Variants in RAB15 observed in about 807,000 individuals in gnomAD.
RAB15 encodes the protein RAB15, member RAS oncogene family, also known as ras-related protein Rab-15.
Under a neutral mutation model 31.8 loss-of-function variants are expected in RAB15, and 13 were observed. That is an observed-to-expected ratio of 0.41 (90% CI 0.27 to 0.65). The LOEUF (loss-of-function observed/expected upper bound fraction) is 0.65. Among genes scored for constraint, RAB15 ranks in the 30% least tolerant of loss-of-function variants. The pLI, the probability that RAB15 is intolerant of heterozygous loss-of-function variation, is 0.32. For missense variants in RAB15, 220 were observed against 277.3 expected (o/e 0.79, Z 1.47); for synonymous variants, 100 against 105.6 (o/e 0.95, Z 0.33).
Position 64,971,836 on chromosome 14 carries a change from C to A in RAB15, c.124+117G>T, listed in dbSNP as rs1418068662. ...GAGATTTATCCCGGACTCCGGCCTC[C>A]GGCGCCACCGCCTCCAGCCGGAGGG... On this transcript the variant is annotated intron_variant, in intron 1 of 6. Transcript: ENST00000533601. This position sits in a 1 kb window ranked among gnomAD's most constrained non-coding sequence, Gnocchi z 4.1. 4 of 1,007,530 alleles carry A rather than the reference C, an allele frequency of 4.0e-6. No individual in the cohort carries two copies. In the Admixed American group the frequency reaches 1.0e-4, roughly 25 times the overall value. The allele number at this position is 1,007,530 out of a possible 1,614,324, so 62.4% of individuals were successfully genotyped here. A position where few individuals can be genotyped will look rare whatever the true frequency, so the allele number is the denominator to read the frequency against.
chr14:64,951,021 T>C lies in RAB15; in HGVS notation c.324+53A>G. 1.9e-6 allele frequency: 3 copies of C among 1,613,826 alleles called. No individual in the cohort carries two copies. The African/African-American group carries it at 4.0e-5, about 22-fold the overall frequency. ...CTTCCCATCTGGCCCTCGCCTTGCCTTCCCCGGTGAGGCACCCTCTCCACA... is the reference window on the plus strand; with the variant it reads ...CTTCCCATCTGGCCCTCGCCTTGCCCTCCCCGGTGAGGCACCCTCTCCACA... On this transcript the variant is annotated intron_variant, in intron 4 of 6. Coordinates refer to ENST00000533601, the MANE Select transcript of RAB15 (RefSeq NM_001308154.2). The surrounding 1 kb of genome is among the most constrained non-coding windows in gnomAD (Gnocchi z 7.2).
intron 1 of RAB15, among the ~76,000 whole-genome samples, chr14:64,969,630 G>A (rs530506062): frequency 9.2e-5 from 14 of 152,290 alleles, no homozygotes; most frequent in Non-Finnish European, 1.5e-4. Context: ...AGGGGAACCC[G>A]GGTGTCAGAA....
chr14:64,970,913 A>T lies in RAB15; in HGVS notation c.124+1040T>A, dbSNP rs956558084. Among the ~76,000 whole-genome samples the T allele has an allele frequency of 1.3e-5, 2 of 152,098 alleles. No homozygotes were observed. The highest frequency in any genetic ancestry group is 4.8e-5 in the African/African-American group (2 of 41,402). On this transcript the variant is annotated intron_variant, in intron 1 of 6. Coordinates refer to ENST00000533601, the MANE Select transcript of RAB15 (RefSeq NM_001308154.2). The surrounding 1 kb of genome is among the most constrained non-coding windows in gnomAD (Gnocchi z 4.1). The stretch of plus-strand genomic sequence containing the variant: ...GTTGGGGGGAGGGGGGATGGTGTGG[A>T]CATGAATCCTCAAGAGGAAGCTGAG...
Position 64,971,756 on chromosome 14 carries a change from G to A in RAB15, c.124+197C>T. ...CAAGAGGCGGGAGACCCCACCCCTG[G>A]TCCGGACGGCAGGCAGCAGGGACAC... On this transcript the variant is annotated intron_variant, in intron 1 of 6. Transcript: ENST00000533601. The surrounding 1 kb of genome is among the most constrained non-coding windows in gnomAD (Gnocchi z 4.1). The A allele has an allele frequency of 5.1e-6, 3 of 587,422 alleles. No individual in the cohort carries two copies. The highest frequency in any genetic ancestry group is 9.0e-6 in the Non-Finnish European group (3 of 333,188). 36.4% of individuals were successfully genotyped at this position (587,422 alleles called of 1,614,324 possible).
intron 1 of RAB15, among the ~76,000 whole-genome samples, chr14:64,967,164 CCCAACCTGT>C (rs1314720573): frequency 6.6e-6 from 1 of 152,186 alleles, no homozygotes; most frequent in Non-Finnish European, 1.5e-5. Context: ...GCCACAGCAG[CCCAACCTGT>C]CCAACCAGAT....
At position 64,970,471 on chromosome 14, in the gene RAB15, A is replaced by G. The variant is rs746182463; in HGVS notation, c.124+1482T>C. On this transcript the variant is annotated intron_variant, in intron 1 of 6. Coordinates refer to ENST00000533601, the MANE Select transcript of RAB15 (RefSeq NM_001308154.2). The surrounding 1 kb of genome is among the most constrained non-coding windows in gnomAD (Gnocchi z 4.1). ...CCTGGGTTTCCTAAGAGTTGGCCTT[A>G]CAGCTCCTCTGAGAAAGACGGACAA... is the stretch of plus-strand genomic sequence containing the variant. Among the ~76,000 whole-genome samples the G allele has an allele frequency of 6.6e-6, 1 of 152,200 alleles. No individual in the cohort carries two copies. Among genetic ancestry groups the G allele is most frequent in the Non-Finnish European group, 1.5e-5 (1 of 68,048 alleles).
Position 64,952,460 on chromosome 14 carries a change from A to C in RAB15, c.185+51T>G. 1 of 1,395,670 alleles carries C rather than the reference A, an allele frequency of 7.2e-7. No homozygotes were observed. Among genetic ancestry groups the C allele is most frequent in the Non-Finnish European group, 1.0e-6 (1 of 984,636 alleles). 86.5% of individuals were successfully genotyped at this position (1,395,670 alleles called of 1,614,324 possible). A position where few individuals can be genotyped will look rare whatever the true frequency, so the allele number is the denominator to read the frequency against. On this transcript the variant is annotated intron_variant, in intron 2 of 6. Transcript: ENST00000533601. The surrounding 1 kb of genome is among the most constrained non-coding windows in gnomAD (Gnocchi z 4.2). ...CACATGGCAGGGGCAGCTAAGGAGC[A>C]GCCAGAAGTCCTCTTCTCCTACATC...
At position 64,953,375 on chromosome 14, in the gene RAB15, C is replaced by T. The variant is rs1886368494; in HGVS notation, c.125-804G>A. Reference sequence around the variant, plus strand: ...AGGCCGGATGAGATACAGCACCTGGCCCAATTGACTGCAGCTGTCATGAGC... The same window carrying T: ...AGGCCGGATGAGATACAGCACCTGGTCCAATTGACTGCAGCTGTCATGAGC... On this transcript the variant is annotated intron_variant, in intron 1 of 6. Coordinates refer to ENST00000533601, the MANE Select transcript of RAB15 (RefSeq NM_001308154.2). The surrounding 1 kb of genome is among the most constrained non-coding windows in gnomAD (Gnocchi z 4.6). 6.6e-6 allele frequency among the ~76,000 whole-genome samples: 1 copy of T among 152,192 alleles called. No individual in the cohort carries two copies. Among genetic ancestry groups the T allele is most frequent in the Admixed American group, 6.5e-5 (1 of 15,280 alleles).
chr14:64,954,144 C>A lies in RAB15; in HGVS notation c.125-1573G>T. The A allele has an allele frequency of 1.0e-6, 1 of 985,438 alleles. No homozygotes were observed. Among genetic ancestry groups the A allele is most frequent in the Non-Finnish European group, 1.2e-6 (1 of 829,932 alleles). 61.0% of individuals were successfully genotyped at this position (985,438 alleles called of 1,614,324 possible). Reference sequence around the variant, plus strand: ...ATTTGGTCAGACGTGAATCATTTCTCGCCTGCCCAAGCTGATTCATATCCA... The same window carrying A: ...ATTTGGTCAGACGTGAATCATTTCTAGCCTGCCCAAGCTGATTCATATCCA... On this transcript the variant is annotated intron_variant, in intron 1 of 6. Transcript: ENST00000533601. This position sits in a 1 kb window ranked among gnomAD's most constrained non-coding sequence, Gnocchi z 4.3.
chr14:64,949,714 C>T lies in RAB15; in HGVS notation c.414+611G>A, dbSNP rs1886128075. On this transcript the variant is annotated intron_variant, in intron 5 of 6. Coordinates refer to ENST00000533601, the MANE Select transcript of RAB15 (RefSeq NM_001308154.2). Reference sequence around the variant, plus strand: ...CTCTAGCCTGGGTGACAGAGCGAGACTCCATCTCAAAAAAAAAAAAAAAAA... The same window carrying T: ...CTCTAGCCTGGGTGACAGAGCGAGATTCCATCTCAAAAAAAAAAAAAAAAA... Among the ~76,000 whole-genome samples, 3 of 135,210 alleles carry T rather than the reference C, an allele frequency of 2.2e-5. No individual in the cohort carries two copies. The Admixed American group carries it at 2.3e-4, about 10-fold the overall frequency. The allele number at this position is 135,210 out of a possible 152,430, so 88.7% of individuals were successfully genotyped here.
chr14:64,970,794 C>T lies in RAB15; in HGVS notation c.124+1159G>A, dbSNP rs552934967. On this transcript the variant is annotated intron_variant, in intron 1 of 6. Transcript: ENST00000533601. The surrounding 1 kb of genome is among the most constrained non-coding windows in gnomAD (Gnocchi z 4.1). ...TTTGCCCCACAGTGAGGTCTCAGGTCTCTTGGACAATAAAGCTGGCTTCTT... is the reference window on the plus strand; with the variant it reads ...TTTGCCCCACAGTGAGGTCTCAGGTTTCTTGGACAATAAAGCTGGCTTCTT... 1.3e-5 allele frequency among the ~76,000 whole-genome samples: 2 copies of T among 152,310 alleles called. No individual in the cohort carries two copies. Among genetic ancestry groups the T allele is most frequent in the African/African-American group, 4.8e-5 (2 of 41,572 alleles).
chr14:64,952,379 C>A lies in RAB15; in HGVS notation c.185+132G>T, dbSNP rs138513230. ...AGGAAGAGATGGGCTTCTGAGACTT[C>A]GCTTCCATCCATCAGAGAGGTGGCC... On this transcript the variant is annotated intron_variant, in intron 2 of 6. Coordinates refer to ENST00000533601, the MANE Select transcript of RAB15 (RefSeq NM_001308154.2). This position sits in a 1 kb window ranked among gnomAD's most constrained non-coding sequence, Gnocchi z 4.2. The A allele has an allele frequency of 4.5e-6, 3 of 673,188 alleles. No individual in the cohort carries two copies. The highest frequency in any genetic ancestry group is 3.6e-5 in the South Asian group (2 of 54,886). The allele number at this position is 673,188 out of a possible 1,614,324, so 41.7% of individuals were successfully genotyped here. A position where few individuals can be genotyped will look rare whatever the true frequency, so the allele number is the denominator to read the frequency against.
rs2140010592 is a variant in RAB15, at chr14:64,972,080, TG to T, written c.-5del. The T allele has an allele frequency of 6.3e-7, 1 of 1,599,190 alleles. No individual in the cohort carries two copies. The highest frequency in any genetic ancestry group is 2.3e-5 in the East Asian group (1 of 43,490). ...GCACATCGTACTGCTTCGCCATGAC[TG>T]GGGCCAGCGGGGCCGGGAACTGCGG... On this transcript the variant is annotated 5_prime_UTR_variant, in exon 1 of 7. Transcript: ENST00000533601. The surrounding 1 kb of genome is among the most constrained non-coding windows in gnomAD (Gnocchi z 6.3).
At chr14:64,967,529 G>C (rs969432582) in intron 1 of RAB15, among the ~76,000 whole-genome samples, 8 of 151,826 alleles carry the variant, frequency 5.3e-5, no homozygotes, top group Non-Finnish European at 8.8e-5. Flanking sequence ...GCTGCAGTGA[G>C]CCGTGATTGT....
intron 1 of RAB15, among the ~76,000 whole-genome samples, chr14:64,959,357 G>A (rs118121682): frequency 6.4e-4 from 97 of 152,284 alleles, no homozygotes; most frequent in Non-Finnish European, 1.1e-3. Flanking sequence ...CAACAAGGGG[G>A]CTGGAAGGAA....
Position 64,951,117 on chromosome 14 carries a change from C to A in RAB15, c.281G>T (p.Arg94Leu), listed in dbSNP as rs751503545. The A allele has an allele frequency of 6.2e-7, 1 of 1,612,598 alleles. No homozygotes were observed. The highest frequency in any genetic ancestry group is 2.2e-5 in the East Asian group (1 of 44,892). ...CCACTTCATGATGTGCTGGTAAGAGCGCTCGCTGCTAATGTCATAGACCAA... is the reference window on the plus strand; with the variant it reads ...CCACTTCATGATGTGCTGGTAAGAGAGCTCGCTGCTAATGTCATAGACCAA... ...IFLVYDISSE[R>L]SYQHIMKWVS... is the part of the protein sequence containing the mutation. The change falls in exon 4 of 7, where the codon CGC (arginine) becomes CTC (leucine). Residue 94 changes from arginine (R) to leucine (L), a missense_variant. Transcript: ENST00000533601. This position sits in a 1 kb window ranked among gnomAD's most constrained non-coding sequence, Gnocchi z 7.2.
At chr14:64,960,863 C>T (rs1303285339) in intron 1 of RAB15, among the ~76,000 whole-genome samples, 3 of 152,166 alleles carry the variant, frequency 2.0e-5, no homozygotes, top group East Asian at 1.9e-4. Context: ...GAGGAAATGC[C>T]GCCCCCTGTG....
rs4899155 is a variant in RAB15 at position 64,962,468 on chromosome 14, G to A, written c.124+9485C>T. On this transcript the variant is annotated intron_variant, in intron 1 of 6. Transcript: ENST00000533601. The surrounding 1 kb of genome is among the most constrained non-coding windows in gnomAD (Gnocchi z 4.2). ...CTTAATTCTAGTGGGGAAGACAGATGTAAGTAATGAATACCTAATTTCAGA... is the reference window on the plus strand; with the variant it reads ...CTTAATTCTAGTGGGGAAGACAGATATAAGTAATGAATACCTAATTTCAGA... Among the ~76,000 whole-genome samples, 50,782 of 152,044 alleles carry A rather than the reference G, an allele frequency of 0.33. 8,841 individuals are homozygous for A. Among genetic ancestry groups the A allele is most frequent in the East Asian group, 0.64 (3,290 of 5,160 alleles).
In RAB15 at chr14:64,955,272, A is replaced by G. The variant is rs1224878328; in HGVS notation, c.125-2701T>C. Among the ~76,000 whole-genome samples the G allele has an allele frequency of 3.3e-5, 5 of 152,096 alleles. No homozygotes were observed. The highest frequency in any genetic ancestry group is 1.2e-4 in the African/African-American group (5 of 41,398). ...ACACAACCTCTCTTAAATTTAAAAA[A>G]GGTTAACAGCCCAAGGATCTTCAAG... On this transcript the variant is annotated intron_variant, in intron 1 of 6. Transcript: ENST00000533601. This position sits in a 1 kb window ranked among gnomAD's most constrained non-coding sequence, Gnocchi z 4.4.
Sources: gnomAD v4.1 joint callset for allele counts (sites outside exome capture counted in the v4.1 genomes callset) on GRCh38, gnomAD v4.1.1 for gene constraint, Gnocchi (gnomAD v3.1) non-coding constraint, MANE v1.5 for transcripts, NCBI Gene and HGNC (gene_info 2026-07-23, HGNC 2026-07-21) for gene names.